FSHR: variants seen among roughly 807,000 people sequenced by gnomAD.
FSHR encodes follicle stimulating hormone receptor.
In FSHR, 46 loss-of-function variants were observed where a neutral mutation model predicts 52.1. The ratio of observed to expected loss-of-function variants is 0.88; its 90% CI spans 0.70 to 1.13. FSHR has a LOEUF of 1.13. Ranked by LOEUF, FSHR falls within the 50% of genes most tolerant of loss-of-function variation. The pLI, the probability that FSHR is intolerant of heterozygous loss-of-function variation, is 0.00. For synonymous variants in FSHR, 399 were observed against 309.6 expected (o/e 1.29, Z -3.03); for missense variants, 964 against 834.6 (o/e 1.16, Z -1.91).
chr2:49,105,322 A>G (rs557903466), intron 1 of FSHR, among the ~76,000 whole-genome samples: 2 of 152,156 alleles, frequency 1.3e-5, no homozygotes, highest in South Asian at 2.1e-4. Context: ...TTGCACTGAT[A>G]AACTCCCCTC....
chr2:49,082,997 C>T (rs34629488), intron 1 of FSHR, among the ~76,000 whole-genome samples: 35,302 of 150,544 alleles, frequency 0.23, 4,218 homozygotes, highest in East Asian at 0.28. Context: ...ACAGAGAACG[C>T]CACAAAGATA....
At chr2:48,977,677 C>T (rs962362526) in intron 8 of FSHR, among the ~76,000 whole-genome samples, 2 of 152,170 alleles carry the variant, frequency 1.3e-5, no homozygotes, top group South Asian at 4.1e-4. Context: ...TAACATTCAT[C>T]CCTTGGCCAG....
intron 1 of FSHR, among the ~76,000 whole-genome samples, chr2:49,141,471 C>T (rs781615903): frequency 1.3e-5 from 2 of 151,732 alleles, no homozygotes; most frequent in African/African-American, 2.4e-5. Context: ...GGAGATACCA[C>T]ACTTTACAAC....
intron 9 of FSHR, among the ~76,000 whole-genome samples, chr2:48,964,738 G>A (rs886404546): frequency 6.6e-6 from 1 of 152,102 alleles, no homozygotes; most frequent in Admixed American, 6.5e-5. Context: ...CTCTCCTTGG[G>A]CTCACTTTAC....
Position 48,963,774 on chromosome 2 carries a change from C to G in FSHR, c.1047G>C (p.Lys349Asn). ...CTTCACATGGGTTGAATGCATCTGG[C>G]TTAGGGGAGCAGGTCACGTCAACCA... is the stretch of plus-strand genomic sequence containing the variant. ...NEVVDVTCSP[K>N]PDAFNPCEDI... Residue 349 changes from lysine (K) to asparagine (N), a missense_variant, in exon 10 of 10, where the codon AAG (lysine) becomes AAC (asparagine). Physicochemically the swap from Lys to Asn is moderately conservative, Grantham distance 94. Transcript: ENST00000406846. 1 of 1,614,104 alleles carries G rather than the reference C, an allele frequency of 6.2e-7. No individual in the cohort carries two copies. The highest frequency in any genetic ancestry group is 8.5e-7 in the Non-Finnish European group (1 of 1,179,994).
chr2:49,102,433 A>G (rs1671063075), intron 1 of FSHR, among the ~76,000 whole-genome samples: 1 of 152,176 alleles, frequency 6.6e-6, no homozygotes, highest in Non-Finnish European at 1.5e-5. Flanking sequence ...CAACTAAGAC[A>G]CTATGGGGTT....
At chr2:49,036,513 A>ATCTATT (rs1372549017) in intron 2 of FSHR, among the ~76,000 whole-genome samples, 2 of 152,046 alleles carry the variant, frequency 1.3e-5, no homozygotes, top group East Asian at 3.9e-4. Flanking sequence ...CTATATCTAT[A>ATCTATT]TCTATATCTA....
intron 1 of FSHR, among the ~76,000 whole-genome samples, chr2:49,072,075 A>G (rs1380082672): frequency 1.3e-5 from 2 of 152,162 alleles, no homozygotes; most frequent in Non-Finnish European, 2.9e-5. Flanking sequence ...TTGACCAAGA[A>G]CTAGGTTACG....
chr2:49,103,114 G>C (rs961225762), intron 1 of FSHR, among the ~76,000 whole-genome samples: 2 of 152,092 alleles, frequency 1.3e-5, no homozygotes, highest in Non-Finnish European at 2.9e-5. Context: ...AGTAAGAACT[G>C]TCTTATCTCT....
At chr2:49,008,917 C>G (rs560526199) in intron 4 of FSHR, among the ~76,000 whole-genome samples, 4 of 151,918 alleles carry the variant, frequency 2.6e-5, no homozygotes, top group African/African-American at 9.7e-5. Context: ...ATTGTAGATT[C>G]TGGATACTAG....
In FSHR at chr2:48,963,837, C is replaced by G. The variant is rs377020096; in HGVS notation, c.984G>C (p.Met328Ile). 2 of 1,614,168 alleles carry G rather than the reference C, an allele frequency of 1.2e-6. No homozygotes were observed. Among genetic ancestry groups the G allele is most frequent in the Non-Finnish European group, 1.7e-6 (2 of 1,180,016 alleles). Residue 328 changes from methionine (M) to isoleucine (I), a missense_variant, in exon 10 of 10, where the codon ATG becomes ATC. Transcript: ENST00000406846. ...AGTCATAGTCAAACTCAGTGTACGTCATGTCAAATCCTCTGCTGTAGCTGG... is the reference window on the plus strand; with the variant it reads ...AGTCATAGTCAAACTCAGTGTACGTGATGTCAAATCCTCTGCTGTAGCTGG... Reference protein sequence around the residue: ...NESSYSRGFDMTYTEFDYDLC... With the variant: ...NESSYSRGFDITYTEFDYDLC...
At chr2:48,990,752 G>A (rs1015877896) in intron 4 of FSHR, 115 bp from the exon 5 acceptor site, 51 of 758,864 alleles carry the variant, frequency 6.7e-5, no homozygotes, top group Admixed American at 1.7e-4. Flanking sequence ...AAAAATCTAC[G>A]AGAAAAGCCC....
At chr2:49,144,415 T>G (rs1672796449) in intron 1 of FSHR, among the ~76,000 whole-genome samples, 1 of 152,130 alleles carries the variant, frequency 6.6e-6, no homozygotes, top group Non-Finnish European at 1.5e-5. Flanking sequence ...TTTCTAGTAT[T>G]TGTTTGGGGG....
intron 1 of FSHR, among the ~76,000 whole-genome samples, chr2:49,079,186 C>A (rs1670069424): frequency 6.6e-6 from 1 of 151,722 alleles, no homozygotes; most frequent in South Asian, 2.1e-4. Context: ...AAACAGGCTC[C>A]AGGATTTAGG....
At chr2:48,985,892 T>C (rs1236790206) in intron 6 of FSHR, among the ~76,000 whole-genome samples, 1 of 150,568 alleles carries the variant, frequency 6.6e-6, no homozygotes, top group Non-Finnish European at 1.5e-5. Context: ...TTTTTGTATT[T>C]TTAGTAGAGA....
At chr2:48,974,739 T>G (rs1036015437) in intron 8 of FSHR, among the ~76,000 whole-genome samples, 5 of 105,100 alleles carry the variant, frequency 4.8e-5, no homozygotes, top group African/African-American at 1.8e-4. Flanking sequence ...TTAAGAAAAT[T>G]CCATAGAAAT....
At chr2:49,081,051 C>T (rs1004165236) in intron 1 of FSHR, among the ~76,000 whole-genome samples, 1 of 152,144 alleles carries the variant, frequency 6.6e-6, no homozygotes, top group African/African-American at 2.4e-5. Context: ...ACATTTCCCC[C>T]TTACTTTCTC....
intron 1 of FSHR, among the ~76,000 whole-genome samples, chr2:49,127,790 CTTCTTCTTCT>C (rs1672074931): frequency 1.9e-5 from 1 of 53,810 alleles, no homozygotes; most frequent in Non-Finnish European, 3.4e-5. Flanking sequence ...TCTTCTTCTT[CTTCTTCTTCT>C]TCTTCTTCTT....
intron 1 of FSHR, among the ~76,000 whole-genome samples, chr2:49,077,833 C>T (rs1255101123): frequency 6.6e-6 from 1 of 152,136 alleles, no homozygotes; most frequent in African/African-American, 2.4e-5. Flanking sequence ...TAACAATAGT[C>T]ACCTTTGTTC....
Sources: allele counts gnomAD v4.1 joint callset (sites outside exome capture counted in the v4.1 genomes callset), GRCh38; gene constraint gnomAD v4.1.1; transcripts MANE v1.5; gene names NCBI Gene and HGNC (gene_info 2026-07-23, HGNC 2026-07-21).